The following TYR variants were observed in gnomAD, a reference collection of about 807,000 sequenced individuals.
TYR encodes the protein LB24-AB.
A neutral mutation model predicts 51.5 loss-of-function variants in TYR; 58 were observed. The observed-to-expected ratio is 1.13, with a 90% confidence interval of 0.91 to 1.40. TYR has a LOEUF of 1.40. TYR is among the 40% of genes most tolerant of loss of function. The probability of loss-of-function intolerance (pLI) is 0.00; values close to 1 mark genes in which losing one functional copy is unlikely to be tolerated. For synonymous variants in TYR, 263 were observed against 235.2 expected (o/e 1.12, Z -1.08); for missense variants, 732 against 647.4 (o/e 1.13, Z -1.42).
intron 3 of TYR, among the ~76,000 whole-genome samples, chr11:89,278,699 C>T (rs1002013940): frequency 1.9e-4 from 29 of 151,538 alleles, no homozygotes; most frequent in African/African-American, 6.3e-4. Flanking sequence ...AACATCTTCC[C>T]TTGGTATGGG....
chr11:89,216,634 A>G (rs1337165464), intron 2 of TYR, among the ~76,000 whole-genome samples: 1 of 111,730 alleles, frequency 9.0e-6, no homozygotes, highest in Non-Finnish European at 1.7e-5. Flanking sequence ...GCCTGGATGG[A>G]GTTTTTCCAT....
intron 3 of TYR, among the ~76,000 whole-genome samples, chr11:89,283,134 G>A (rs1278824906): frequency 2.6e-5 from 4 of 151,710 alleles, no homozygotes; most frequent in Non-Finnish European, 4.4e-5. Context: ...GTAAATATTC[G>A]TTTAATAATT....
intron 3 of TYR, among the ~76,000 whole-genome samples, chr11:89,238,339 C>T (rs1827318935): frequency 6.6e-6 from 1 of 152,022 alleles, no homozygotes; most frequent in Non-Finnish European, 1.5e-5. Context: ...TTGATCTATA[C>T]ATTTTTGTGA....
intron 3 of TYR, among the ~76,000 whole-genome samples, chr11:89,246,658 G>C (rs1487764816): frequency 4.6e-5 from 7 of 152,092 alleles, no homozygotes; most frequent in Non-Finnish European, 1.5e-5. Flanking sequence ...CATTTTGGCT[G>C]TATTTTCCAG....
intron 3 of TYR, among the ~76,000 whole-genome samples, chr11:89,277,683 T>C (rs1309782656): frequency 6.6e-6 from 1 of 151,702 alleles, no homozygotes; most frequent in East Asian, 1.9e-4. Context: ...CTGCATCTGG[T>C]AATACAAACA....
intron 2 of TYR, chr11:89,192,154 A>G (rs1320078666): frequency 1.3e-5 from 3 of 227,018 alleles, no homozygotes; most frequent in Non-Finnish European, 2.7e-5. Flanking sequence ...TAACTCCTAA[A>G]TATTTATCCT....
chr11:89,227,493 C>T (rs1036720350), intron 2 of TYR, among the ~76,000 whole-genome samples: 1 of 152,090 alleles, frequency 6.6e-6, no homozygotes, highest in African/African-American at 2.4e-5. Context: ...AAAGTGACTG[C>T]TGGTTATTAT....
intron 3 of TYR, among the ~76,000 whole-genome samples, chr11:89,264,538 C>T (rs77294060): frequency 6.6e-6 from 1 of 151,810 alleles, no homozygotes; most frequent in Non-Finnish European, 1.5e-5. Context: ...GATGGAAATA[C>T]CATTCGACCC....
intron 3 of TYR, among the ~76,000 whole-genome samples, chr11:89,283,085 C>G (rs1218110389): frequency 6.6e-6 from 1 of 151,798 alleles, no homozygotes; most frequent in Admixed American, 6.6e-5. Context: ...CAGATTTTTA[C>G]ACAGTTCTTT....
intron 3 of TYR, among the ~76,000 whole-genome samples, chr11:89,260,942 G>A (rs1944449390): frequency 6.6e-6 from 1 of 152,034 alleles, no homozygotes; most frequent in African/African-American, 2.4e-5. Context: ...CTAAGCGGCA[G>A]GTGAACTGGG....
At position 89,232,620 on chromosome 11, in the gene TYR, G is replaced by A. The variant is rs560942235; in HGVS notation, c.1184+4650G>A. 7.8e-5 allele frequency among the ~76,000 whole-genome samples: 11 copies of A among 141,176 alleles called. 1 individual carries two copies. The highest frequency in any genetic ancestry group is 1.4e-4 in the Non-Finnish European group (9 of 66,254). The allele number at this position is 141,176 out of a possible 152,430, so 92.6% of individuals were successfully genotyped here. A position where few individuals can be genotyped will look rare whatever the true frequency, so the allele number is the denominator to read the frequency against. ...TAAGGTATACTATGTTCATAACCTCGATGATGGGTTCAATCATACCCAAAC... is the reference window on the plus strand; with the variant it reads ...TAAGGTATACTATGTTCATAACCTCAATGATGGGTTCAATCATACCCAAAC... On this transcript the variant is annotated intron_variant, in intron 3 of 4. Transcript: ENST00000263321.
At chr11:89,253,520 T>C (rs1944354105) in intron 3 of TYR, among the ~76,000 whole-genome samples, 3 of 151,872 alleles carry the variant, frequency 2.0e-5, no homozygotes, top group African/African-American at 4.8e-5. Context: ...GTTTTCCTTC[T>C]AGAGGTCTTT....
chr11:89,270,785 A>G (rs34739346), intron 3 of TYR, among the ~76,000 whole-genome samples: 1,930 of 151,992 alleles, frequency 0.013, 23 homozygotes, highest in Middle Eastern at 0.034. Flanking sequence ...TTTATATATG[A>G]TTTATGAGAC....
intron 3 of TYR, among the ~76,000 whole-genome samples, chr11:89,277,738 T>C (rs1200687491): frequency 6.6e-6 from 1 of 151,660 alleles, no homozygotes. Flanking sequence ...TTTTCTGTGG[T>C]ACCTGGCCCC....
rs61754371 is a variant in TYR, at chr11:89,191,199, C to G, written c.820-3C>G. 1.9e-6 allele frequency: 3 copies of G among 1,613,230 alleles called. No homozygotes were observed. Among genetic ancestry groups the G allele is most frequent in the East Asian group, 4.5e-5 (2 of 44,854 alleles). Reference sequence around the variant, plus strand: ...TTGTTTAACATGAGGGTGTTTTGTACAGATTGTCTGTAGCCGATTGGAGGA... The same window carrying G: ...TTGTTTAACATGAGGGTGTTTTGTAGAGATTGTCTGTAGCCGATTGGAGGA... On this transcript the variant is annotated splice_polypyrimidine_tract_variant and splice_region_variant and intron_variant, in intron 1 of 4. Coordinates refer to ENST00000263321, the MANE Select transcript of TYR (RefSeq NM_000372.5).
intron 1 of TYR, among the ~76,000 whole-genome samples, chr11:89,190,693 C>T (rs1176773364): frequency 6.6e-6 from 1 of 151,776 alleles, no homozygotes; most frequent in Non-Finnish European, 1.5e-5. Flanking sequence ...TATCTTAGGC[C>T]TTTATATTCA....
chr11:89,204,013 G>T (rs1943636028), intron 2 of TYR, among the ~76,000 whole-genome samples: 2 of 152,294 alleles, frequency 1.3e-5, no homozygotes, highest in African/African-American at 2.4e-5. Flanking sequence ...GGCTCAGTTT[G>T]CATTCCAACC....
intron 4 of TYR, among the ~76,000 whole-genome samples, chr11:89,292,307 G>C (rs755493328): frequency 2.0e-5 from 3 of 151,852 alleles, no homozygotes; most frequent in Non-Finnish European, 2.9e-5. Flanking sequence ...CCAGATTCTA[G>C]AATTATATCA....
intron 2 of TYR, among the ~76,000 whole-genome samples, chr11:89,210,985 C>T (rs902054259): frequency 2.6e-5 from 4 of 152,244 alleles, no homozygotes; most frequent in East Asian, 1.9e-4. Flanking sequence ...AAAGGAACAA[C>T]GGGTACCAGA....
Sources: gnomAD v4.1 joint callset for allele counts (sites outside exome capture counted in the v4.1 genomes callset) on GRCh38, gnomAD v4.1.1 for gene constraint, MANE v1.5 for transcripts, NCBI Gene and HGNC (gene_info 2026-07-23, HGNC 2026-07-21) for gene names.